SEMA4D: variants seen among roughly 807,000 people sequenced by gnomAD.
SEMA4D encodes the protein semaphorin 4D.
In SEMA4D, 22 loss-of-function variants were observed where a neutral mutation model predicts 74.8. The ratio of observed to expected loss-of-function variants is 0.29; its 90% CI spans 0.21 to 0.42. The LOEUF is 0.42. Ranked by LOEUF, SEMA4D falls within the 10% of genes least tolerant of loss-of-function variation. SEMA4D has a pLI of 1.00. For synonymous variants in SEMA4D, 445 were observed against 463.7 expected, an observed-to-expected ratio of 0.96 and a Z score of 0.52; for missense variants, 937 against 1,118.4, an observed-to-expected ratio of 0.84 and a Z score of 2.31.
Position 89,381,340 on chromosome 9 carries a change from T to C in SEMA4D, c.1453A>G (p.Arg485Gly), listed in dbSNP as rs141391829. Residue 485 changes from arginine to glycine, a missense_variant, in exon 14 of 16, where the codon AGG (arginine) becomes GGG (glycine). By Grantham distance (125) the Arg-to-Gly change is moderately radical. Coordinates refer to ENST00000422704, the MANE Select transcript of SEMA4D (RefSeq NM_001371194.2). The surrounding 1 kb of genome is among the most constrained non-coding windows in gnomAD (Gnocchi z 4.6). ...GAGTTAGAGCCAGCATAGACAAACC[T>C]GTTGCCCTGCGTGTATGAGACAGAG... ...TLLLSSKKGN[R>G]FVYAGSNSGV... The C allele has an allele frequency of 7.2e-5, 106 of 1,477,794 alleles. No homozygotes were observed. Among genetic ancestry groups the C allele is most frequent in the Non-Finnish European group, 9.1e-5 (101 of 1,110,088 alleles). The allele number at this position is 1,477,794 out of a possible 1,614,324, so 91.5% of individuals were successfully genotyped here.
Position 89,388,676 on chromosome 9 carries a change from A to G in SEMA4D, c.1067T>C (p.Val356Ala), listed in dbSNP as rs979012549. ...CTTGGGTACCGGGCCATTATAGCGC[A>G]CCCACTTGGTGTGGGACTGCTCCAC... Reference protein sequence around the residue: ...TTVEQSHTKWVRYNGPVPKPR... With the variant: ...TTVEQSHTKWARYNGPVPKPR... Residue 356 changes from valine (V) to alanine (A), a missense_variant, in exon 11 of 16, where the codon GTG becomes GCG. Coordinates refer to ENST00000422704, the MANE Select transcript of SEMA4D (RefSeq NM_001371194.2). The G allele has an allele frequency of 3.1e-6, 5 of 1,604,748 alleles. No individual in the cohort carries two copies. Among genetic ancestry groups the G allele is most frequent in the Non-Finnish European group, 4.2e-6 (5 of 1,178,368 alleles).
downstream of SEMA4D, among the ~76,000 whole-genome samples, chr9:89,373,936 G>C (rs1419768976): frequency 6.6e-6 from 1 of 152,226 alleles, no homozygotes. Flanking sequence ...GAACCCTGGA[G>C]CCTACTCGGG....
rs758297861 is a variant in SEMA4D, at chr9:89,388,647, G to A, written c.1096C>T (p.Arg366Trp). 1.7e-5 allele frequency: 27 copies of A among 1,599,128 alleles called. No homozygotes were observed. Among genetic ancestry groups the A allele is most frequent in the Middle Eastern group, 1.7e-4 (1 of 6,026 alleles). The change falls in exon 11 of 16, where the codon CGG (arginine) becomes TGG (tryptophan). Residue 366 changes from arginine to tryptophan, a missense_variant. By Grantham distance (101) the Arg-to-Trp change is moderately radical. Transcript: ENST00000422704. ...GTGCCCCAGCTCACCGCTCCAGGCC[G>A]CGGCTTGGGTACCGGGCCATTATAG... The part of the protein sequence containing the change: ...VRYNGPVPKP[R>W]PGACIDSEAR...
At chr9:89,398,188 C>G (rs954510529) in intron 5 of SEMA4D, among the ~76,000 whole-genome samples, 1 of 152,000 alleles carries the variant, frequency 6.6e-6, no homozygotes, top group African/African-American at 2.4e-5. Context: ...TCAGATGTTG[C>G]CTTTTCCGAA....
intron 6 of SEMA4D, among the ~76,000 whole-genome samples, chr9:89,394,711 G>T (rs144904683): frequency 1.3e-5 from 2 of 152,216 alleles, no homozygotes; most frequent in African/African-American, 4.8e-5. Context: ...TGACACCCTT[G>T]AAAGGCCAGT....
rs901681844 is a variant in SEMA4D at position 89,467,566 on chromosome 9, C to T, written c.-309-11613G>A. Among the ~76,000 whole-genome samples, 23 of 147,516 alleles carry T rather than the reference C, an allele frequency of 1.6e-4. 1 individual carries two copies. The highest frequency in any genetic ancestry group is 3.0e-5 in the Non-Finnish European group (2 of 67,328). ...TTTTTTTTTGAGACAGAATCTCACT[C>T]TGTTGCCCAGGCTGGAGTGCAGTGG... On this transcript the variant is annotated intron_variant, in intron 1 of 15. Coordinates refer to ENST00000422704, the MANE Select transcript of SEMA4D (RefSeq NM_001371194.2).
chr9:89,450,660 GAAAAAAAAAAAAAAAA>G lies in SEMA4D; in HGVS notation c.-244+5212_-244+5227del, dbSNP rs71358578. On this transcript the variant is annotated intron_variant, in intron 2 of 15. Transcript: ENST00000422704. Reference sequence around the variant, plus strand: ...GAGTTCTGCAAGTCGAAAAACCCAGGAAAAAAAAAAAAAAAAAAAAAAAAAAAGGCCTCCAAGACTG... The same window carrying G: ...GAGTTCTGCAAGTCGAAAAACCCAGGAAAAAAAAAAAGGCCTCCAAGACTG... The G allele has an allele frequency of 3.0e-5, 13 of 430,418 alleles. 1 individual carries two copies. The highest frequency in any genetic ancestry group is 7.1e-5 in the South Asian group (3 of 42,084). 26.7% of individuals were successfully genotyped at this position (430,418 alleles called of 1,614,324 possible).
downstream of SEMA4D, chr9:89,376,693 T>TG: frequency 7.8e-7 from 1 of 1,278,888 alleles, no homozygotes; most frequent in Admixed American, 2.8e-5. Context: ...GTGAAACGGC[T>TG]CAACCCGAGG....
At chr9:89,488,000 A>AT (rs1825323180) in intron 1 of SEMA4D, among the ~76,000 whole-genome samples, 1 of 152,264 alleles carries the variant, frequency 6.6e-6, no homozygotes, top group South Asian at 2.1e-4. Context: ...AACTGATCTT[A>AT]AGTATATAAG....
chr9:89,402,980 T>G lies in SEMA4D; in HGVS notation c.143A>C (p.Tyr48Ser), dbSNP rs765342019. 2 of 1,613,246 alleles carry G rather than the reference T, an allele frequency of 1.2e-6. No individual in the cohort carries two copies. The highest frequency in any genetic ancestry group is 1.7e-6 in the Non-Finnish European group (2 of 1,179,184). Residue 48 changes from tyrosine (Y) to serine (S), a missense_variant, in exon 4 of 16, where the codon TAC (tyrosine) becomes TCC (serine). Physicochemically the swap from Tyr to Ser is moderately radical, Grantham distance 144. Transcript: ENST00000422704. Reference protein sequence around the residue: ...HLVQFHEPDIYNYSALLLSED... With the variant: ...HLVQFHEPDISNYSALLLSED... ...GCTCAGCAGCAAGGCTGAGTAGTTGTAGATGTCTGGCTCATGAAACTGCAC... is the reference window on the plus strand; with the variant it reads ...GCTCAGCAGCAAGGCTGAGTAGTTGGAGATGTCTGGCTCATGAAACTGCAC...
chr9:89,449,540 A>AGTG lies in SEMA4D; in HGVS notation c.-244+6345_-244+6347dup, dbSNP rs544541869. ...GGCGGCTCAGGGGAAACGAGGCTGC[A>AGTG]GTGGTGGTGGCAGGAAGATGTCAGG... is the stretch of plus-strand genomic sequence containing the variant. On this transcript the variant is annotated intron_variant, in intron 2 of 15. Coordinates refer to ENST00000422704, the MANE Select transcript of SEMA4D (RefSeq NM_001371194.2). 1.2e-3 allele frequency: 911 copies of AGTG among 770,430 alleles called. 17 individuals carry two copies. In the South Asian group the frequency reaches 0.012, roughly 10 times the overall value. The allele number at this position is 770,430 out of a possible 1,614,324, so 47.7% of individuals were successfully genotyped here. A position where few individuals can be genotyped will look rare whatever the true frequency, so the allele number is the denominator to read the frequency against.
intron 16 of SEMA4D, among the ~76,000 whole-genome samples, chr9:89,371,666 GTGTC>G (rs1212922894): frequency 2.3e-4 from 22 of 96,166 alleles, no homozygotes; most frequent in African/African-American, 9.5e-4. Flanking sequence ...GGTGTGGTGT[GTGTC>G]TGGGGTGTGT....
chr9:89,366,816 C>G (rs1263350178), intron 16 of SEMA4D, among the ~76,000 whole-genome samples: 1 of 152,170 alleles, frequency 6.6e-6, no homozygotes, highest in African/African-American at 2.4e-5. Flanking sequence ...AAAGCCCGGT[C>G]TCCTCCCTCA....
At chr9:89,446,509 G>A (rs1372677186) in intron 2 of SEMA4D, among the ~76,000 whole-genome samples, 2 of 152,214 alleles carry the variant, frequency 1.3e-5, no homozygotes, top group African/African-American at 4.8e-5. Flanking sequence ...GCCCAACATG[G>A]GCTAAAGAAA....
intron 1 of SEMA4D, among the ~76,000 whole-genome samples, chr9:89,480,558 GC>G (rs1222356417): frequency 6.6e-6 from 1 of 152,254 alleles, no homozygotes; most frequent in Non-Finnish European, 1.5e-5. Flanking sequence ...CCCGAGCCCT[GC>G]CCCGTGGGAA....
chr9:89,371,933 TGGG>T (rs1834993328), intron 16 of SEMA4D, among the ~76,000 whole-genome samples: 4 of 126,570 alleles, frequency 3.2e-5, no homozygotes, highest in African/African-American at 6.1e-5. Context: ...GTGGTGTGTG[TGGG>T]GTGTGGTGTG....
In SEMA4D at chr9:89,386,363, T is replaced by C. The variant is rs1371049397; in HGVS notation, c.1446+4A>G. 1 of 1,607,546 alleles carries C rather than the reference T, an allele frequency of 6.2e-7. No individual in the cohort carries two copies. The highest frequency in any genetic ancestry group is 1.7e-5 in the Admixed American group (1 of 59,620). On this transcript the variant is annotated splice_donor_region_variant and intron_variant, in intron 13 of 15. Coordinates refer to ENST00000422704, the MANE Select transcript of SEMA4D (RefSeq NM_001371194.2). ...CCCCGGTCCAGCTGCCTGCGTCACT[T>C]TACCTTCTTTGAAGACAGCAGCAGG...
intron 1 of SEMA4D, among the ~76,000 whole-genome samples, chr9:89,488,352 CTTTTTTTTT>C (rs1158168446): frequency 4.8e-5 from 3 of 62,592 alleles, no homozygotes; most frequent in African/African-American, 1.3e-4. Context: ...GATCACAGAT[CTTTTTTTTT>C]TTTTTTTTTT....
intron 3 of SEMA4D, 131 bp downstream of exon 3, chr9:89,405,220 G>A (rs893479288): frequency 2.9e-5 from 21 of 723,304 alleles, no homozygotes; most frequent in Admixed American, 4.5e-5. Flanking sequence ...TCCCTGTCCC[G>A]TTCCCAGCCA....
Sources: gnomAD v4.1 joint callset for allele counts (sites outside exome capture counted in the v4.1 genomes callset) on GRCh38, gnomAD v4.1.1 for gene constraint, Gnocchi (gnomAD v3.1) non-coding constraint, MANE v1.5 for transcripts, NCBI Gene and HGNC (gene_info 2026-07-23, HGNC 2026-07-21) for gene names.